Variants in SNX29 observed in about 807,000 individuals in gnomAD.
SNX29 encodes sorting nexin 29.
SNX29 carries 78 observed loss-of-function variants against 102.1 expected under a neutral mutation model. The observed-to-expected ratio is 0.76, with a 90% confidence interval of 0.64 to 0.92. The LOEUF (loss-of-function observed/expected upper bound fraction) is 0.92, where lower values mean the gene tolerates loss of function less well. Among genes scored for constraint, SNX29 ranks in the 40% least tolerant of loss-of-function variants. The pLI is 0.00. For synonymous variants in SNX29, 580 were observed against 414.5 expected, an observed-to-expected ratio of 1.40 and a Z score of -4.85; for missense variants, 1,280 against 1,061.7, an observed-to-expected ratio of 1.21 and a Z score of -2.86.
intron 18 of SNX29, among the ~76,000 whole-genome samples, chr16:12,414,676 G>A (rs891673569): frequency 8.5e-5 from 13 of 152,138 alleles, no homozygotes; most frequent in Admixed American, 2.0e-4. Flanking sequence ...CTGCCTGGCC[G>A]TTGTTTTTCA....
At chr16:12,373,033 G>A (rs1242000170) in intron 16 of SNX29, 1 of 152,220 alleles carries the variant, frequency 6.6e-6, no homozygotes, top group Admixed American at 6.5e-5. Flanking sequence ...GATAAGGTAG[G>A]CAATATCCCC....
chr16:12,214,750 C>A (rs555538690), intron 14 of SNX29, among the ~76,000 whole-genome samples: 1 of 152,262 alleles, frequency 6.6e-6, no homozygotes, highest in African/African-American at 2.4e-5. Flanking sequence ...TCTGCAGTCT[C>A]CCTGATGCCT....
intron 13 of SNX29, among the ~76,000 whole-genome samples, chr16:12,180,677 G>A (rs565640089): frequency 1.3e-5 from 2 of 152,202 alleles, no homozygotes; most frequent in African/African-American, 4.8e-5. Flanking sequence ...AGTAGAGACG[G>A]GGTTTCACCG....
chr16:12,461,110 C>T (rs2086759482), intron 18 of SNX29, among the ~76,000 whole-genome samples: 1 of 152,188 alleles, frequency 6.6e-6, no homozygotes, highest in Non-Finnish European at 1.5e-5. Flanking sequence ...GTGTGGAGAG[C>T]TTTAGCAAAT....
chr16:12,295,759 G>C lies in SNX29; in HGVS notation c.1782+17723G>C, dbSNP rs144754802. ...GACTATTTCTTTAGCAAAGGATATTGAAATTGGGTTCTTTTTTTTTTTCCT... is the reference window on the plus strand; with the variant it reads ...GACTATTTCTTTAGCAAAGGATATTCAAATTGGGTTCTTTTTTTTTTTCCT... On this transcript the variant is annotated intron_variant, in intron 15 of 20. Coordinates refer to ENST00000566228, the MANE Select transcript of SNX29 (RefSeq NM_032167.5). Among the ~76,000 whole-genome samples, 401 of 151,848 alleles carry C rather than the reference G, an allele frequency of 2.6e-3. 3 individuals carry two copies. Among genetic ancestry groups the C allele is most frequent in the Middle Eastern group, 6.9e-3 (2 of 290 alleles).
At chr16:12,103,511 C>G (rs1401117775) in intron 11 of SNX29, among the ~76,000 whole-genome samples, 1 of 152,074 alleles carries the variant, frequency 6.6e-6, no homozygotes, top group Non-Finnish European at 1.5e-5. Context: ...GAAACTGGAC[C>G]CCTTCCTTAC....
intron 13 of SNX29, among the ~76,000 whole-genome samples, chr16:12,172,183 G>A (rs2076164561): frequency 6.6e-6 from 1 of 152,182 alleles, no homozygotes. Context: ...TCTCATTGTG[G>A]CTTTGCTTGT....
chr16:12,143,608 T>C (rs1329462020), intron 13 of SNX29, among the ~76,000 whole-genome samples: 1 of 152,106 alleles, frequency 6.6e-6, no homozygotes, highest in Non-Finnish European at 1.5e-5. Context: ...TGAAGAGAGA[T>C]TGCATGTCAA....
chr16:12,475,852 G>T (rs140386088), intron 18 of SNX29, among the ~76,000 whole-genome samples: 1 of 152,174 alleles, frequency 6.6e-6, no homozygotes, highest in Non-Finnish European at 1.5e-5. Context: ...TTTCAAAAGC[G>T]GCCAAAACAA....
intron 11 of SNX29, among the ~76,000 whole-genome samples, chr16:12,112,235 C>T (rs997494018): frequency 2.6e-5 from 4 of 152,150 alleles, no homozygotes; most frequent in Non-Finnish European, 5.9e-5. Context: ...TGCCCAGTCA[C>T]GAGCCACAGG....
intron 14 of SNX29, among the ~76,000 whole-genome samples, chr16:12,219,946 G>A (rs947919599): frequency 1.3e-5 from 2 of 152,176 alleles, no homozygotes; most frequent in African/African-American, 2.4e-5. Flanking sequence ...ACACGTGCAC[G>A]TGCACGCACA....
chr16:12,064,578 G>T (rs964368439), intron 9 of SNX29, among the ~76,000 whole-genome samples: 1 of 152,248 alleles, frequency 6.6e-6, no homozygotes, highest in Non-Finnish European at 1.5e-5. Flanking sequence ...ACAGCCCAGG[G>T]GCTGCGCACA....
intron 3 of SNX29, among the ~76,000 whole-genome samples, chr16:12,022,673 C>G (rs760587448): frequency 9.2e-5 from 14 of 152,118 alleles, no homozygotes; most frequent in Non-Finnish European, 2.1e-4. Context: ...TTTCTATATC[C>G]AAATGTTCCT....
intron 18 of SNX29, among the ~76,000 whole-genome samples, chr16:12,430,198 TC>T (rs991638405): frequency 2.5e-4 from 37 of 150,950 alleles, no homozygotes; most frequent in Non-Finnish European, 3.7e-4. Flanking sequence ...AACCATCAGT[TC>T]CCCCCCCAGC....
At chr16:12,421,351 G>A (rs976196136) in intron 18 of SNX29, among the ~76,000 whole-genome samples, 11 of 152,200 alleles carry the variant, frequency 7.2e-5, no homozygotes, top group Admixed American at 5.9e-4. Flanking sequence ...CAGGGAGAGA[G>A]TAAAAACCAA....
intron 4 of SNX29, among the ~76,000 whole-genome samples, chr16:12,036,555 C>T (rs1012128902): frequency 3.3e-5 from 5 of 152,008 alleles, no homozygotes; most frequent in Admixed American, 6.6e-5. Flanking sequence ...AGGATGGTCT[C>T]GATCTCCTGA....
chr16:12,476,158 T>G (rs1045339520), intron 18 of SNX29, among the ~76,000 whole-genome samples: 6 of 150,270 alleles, frequency 4.0e-5, no homozygotes, highest in Non-Finnish European at 8.9e-5. Context: ...TTGTCTCTAC[T>G]AAAAATACAA....
chr16:12,169,096 A>G (rs1381754686), intron 13 of SNX29, among the ~76,000 whole-genome samples: 4 of 152,244 alleles, frequency 2.6e-5, no homozygotes, highest in Admixed American at 2.6e-4. Flanking sequence ...GTGTTCTACG[A>G]TAACATTGTC....
chr16:12,460,054 G>T lies in SNX29; in HGVS notation c.2038-17665G>T, dbSNP rs558281785. Among the ~76,000 whole-genome samples, 5 of 152,328 alleles carry T rather than the reference G, an allele frequency of 3.3e-5. No individual in the cohort carries two copies. The South Asian group carries it at 1.0e-3, about 32-fold the overall frequency. ...CCAGAGAAGCTCCTGATTCTGTAAAGCATAGTTAGCTGTGGCAGGAGGGAG... is the reference window on the plus strand; with the variant it reads ...CCAGAGAAGCTCCTGATTCTGTAAATCATAGTTAGCTGTGGCAGGAGGGAG... On this transcript the variant is annotated intron_variant, in intron 18 of 20. Coordinates refer to ENST00000566228, the MANE Select transcript of SNX29 (RefSeq NM_032167.5).
Sources: gnomAD v4.1 joint callset for allele counts (sites outside exome capture counted in the v4.1 genomes callset) on GRCh38, gnomAD v4.1.1 for gene constraint, MANE v1.5 for transcripts, NCBI Gene and HGNC (gene_info 2026-07-23, HGNC 2026-07-21) for gene names.